Variants in ATXN1 observed in about 807,000 individuals in gnomAD.
The protein encoded by ATXN1 is ataxin 1, also known as ataxin-1.
In ATXN1, 8 loss-of-function variants were observed where a neutral mutation model predicts 56.4. The observed-to-expected ratio is 0.14, with a 90% CI of 0.08 to 0.26. ATXN1 has a LOEUF of 0.26. Ranked by LOEUF, ATXN1 falls within the 10% of genes least tolerant of loss-of-function variation. The pLI is 1.00. For synonymous variants in ATXN1, 514 were observed against 494.6 expected (o/e 1.04, Z -0.52); for missense variants, 987 against 1,106.5 (o/e 0.89, Z 1.53).
At chr6:16,490,761 A>T (rs945118297) in intron 5 of ATXN1, among the ~76,000 whole-genome samples, 1 of 152,186 alleles carries the variant, frequency 6.6e-6, no homozygotes. Context: ...GGCCTGGAAG[A>T]TGGACATATG....
At chr6:16,731,570 G>A (rs1759986636) in intron 2 of ATXN1, among the ~76,000 whole-genome samples, 1 of 147,100 alleles carries the variant, frequency 6.8e-6, no homozygotes, top group African/African-American at 2.5e-5. Flanking sequence ...TGACCTTCTG[G>A]TGAAGACAGC....
intron 4 of ATXN1, among the ~76,000 whole-genome samples, chr6:16,557,632 TA>T (rs1233374208): frequency 6.6e-6 from 1 of 151,962 alleles, no homozygotes; most frequent in Admixed American, 6.5e-5. Context: ...CCTTAGAAAG[TA>T]AAACAGTGTG....
chr6:16,658,840 T>C (rs921325934), intron 2 of ATXN1, among the ~76,000 whole-genome samples: 1 of 152,216 alleles, frequency 6.6e-6, no homozygotes, highest in African/African-American at 2.4e-5. Flanking sequence ...TCCCTGAGTA[T>C]GGTGGCCACA....
chr6:16,694,033 A>C (rs571525981), intron 2 of ATXN1, among the ~76,000 whole-genome samples: 1 of 152,340 alleles, frequency 6.6e-6, no homozygotes, highest in East Asian at 1.9e-4. Context: ...ACAATGAAAA[A>C]TTTAATCTAC....
intron 3 of ATXN1, among the ~76,000 whole-genome samples, chr6:16,609,833 A>G (rs1281862705): frequency 2.0e-5 from 3 of 152,220 alleles, no homozygotes; most frequent in African/African-American, 4.8e-5. Context: ...ACAAGATGTG[A>G]TTTGCACCTT....
chr6:16,418,078 T>C (rs1454821681), intron 6 of ATXN1, among the ~76,000 whole-genome samples: 1 of 152,202 alleles, frequency 6.6e-6, no homozygotes, highest in Non-Finnish European at 1.5e-5. Flanking sequence ...CCCAACGCTC[T>C]GGTGTAGCAA....
In ATXN1 at chr6:16,328,280, A is replaced by G. The variant is rs753921403; in HGVS notation, c.31T>C (p.Cys11Arg). The G allele has an allele frequency of 6.6e-7, 1 of 1,520,400 alleles. No individual in the cohort carries two copies. The highest frequency in any genetic ancestry group is 8.8e-7 in the Non-Finnish European group (1 of 1,138,530). The allele number at this position is 1,520,400 out of a possible 1,614,324, so 94.2% of individuals were successfully genotyped here. The change falls in exon 7 of 8, where the codon TGC becomes CGC. Residue 11 changes from cysteine (C) to arginine (R), a missense_variant. By Grantham distance (180) the Cys-to-Arg change is radical (BLOSUM62 -3). This residue lies in a region of ATXN1 where 723 missense variants were observed against 791.7 expected (regional missense o/e 0.91). Transcript: ENST00000436367. The surrounding 1 kb of genome is among the most constrained non-coding windows in gnomAD (Gnocchi z 6.2). ...ATCTCGCGCTTCTTGGGAGGCAGGC[A>G]TTCGTTGCTCCGCTCTTGGTTGGAT... MKSNQERSNE[C>R]LPPKKREIPA...
chr6:16,300,502 T>G lies in ATXN1; in HGVS notation c.*5827A>C, dbSNP rs1760058474. On this transcript the variant is annotated 3_prime_UTR_variant, in exon 8 of 8. Coordinates refer to ENST00000436367, the MANE Select transcript of ATXN1 (RefSeq NM_001128164.2). ...GCTGTCCAGTTTCCACTGTCCGGCT[T>G]GATTTTTGGACAGGAATACTATTCT... 6.6e-6 allele frequency: 1 copy of G among 152,352 alleles called. No homozygotes were observed. The highest frequency in any genetic ancestry group is 2.1e-4 in the South Asian group (1 of 4,822). The allele number at this position is 152,352 out of a possible 1,614,324, so 9.4% of individuals were successfully genotyped here. A position where few individuals can be genotyped will look rare whatever the true frequency, so the allele number is the denominator to read the frequency against.
At chr6:16,604,590 T>TC (rs1463877327) in intron 3 of ATXN1, among the ~76,000 whole-genome samples, 3 of 144,084 alleles carry the variant, frequency 2.1e-5, no homozygotes, top group East Asian at 2.0e-4. Context: ...TTTCTCTTCT[T>TC]TTTTTTTTTT....
intron 6 of ATXN1, among the ~76,000 whole-genome samples, chr6:16,417,121 T>C (rs986854242): frequency 5.9e-5 from 9 of 152,240 alleles, no homozygotes; most frequent in African/African-American, 2.2e-4. Context: ...AGCCTTGAAC[T>C]GCTGGGCTCA....
intron 6 of ATXN1, among the ~76,000 whole-genome samples, chr6:16,434,513 C>T (rs1189006829): frequency 1.3e-5 from 2 of 152,188 alleles, no homozygotes; most frequent in African/African-American, 4.8e-5. Context: ...TTATGTACCT[C>T]CCTTTTAAAA....
intron 4 of ATXN1, among the ~76,000 whole-genome samples, chr6:16,533,130 G>A (rs1761536450): frequency 6.6e-6 from 1 of 152,206 alleles, no homozygotes; most frequent in Non-Finnish European, 1.5e-5. Context: ...AAGATGGATC[G>A]TGGTGATGAC....
At chr6:16,417,215 T>A (rs1032027890) in intron 6 of ATXN1, among the ~76,000 whole-genome samples, 5 of 152,162 alleles carry the variant, frequency 3.3e-5, no homozygotes, top group African/African-American at 1.2e-4. Context: ...AAAAATTTTC[T>A]TTTGAGACAG....
intron 2 of ATXN1, among the ~76,000 whole-genome samples, chr6:16,747,396 G>C (rs1356790317): frequency 1.3e-5 from 2 of 152,106 alleles, no homozygotes; most frequent in Admixed American, 1.3e-4. Flanking sequence ...TAACTCATCA[G>C]AAAATAAAGA....
chr6:16,694,376 C>T (rs1359485868), intron 2 of ATXN1, among the ~76,000 whole-genome samples: 2 of 151,738 alleles, frequency 1.3e-5, no homozygotes, highest in Non-Finnish European at 2.9e-5. Context: ...GCCTCAGCCT[C>T]CCAAGTAGCT....
chr6:16,417,441 A>ATTTTTTTTTTTTTTTT (rs1188606545), intron 6 of ATXN1, among the ~76,000 whole-genome samples: 9 of 136,506 alleles, frequency 6.6e-5, no homozygotes, highest in African/African-American at 1.6e-4. Flanking sequence ...CAAGTTTCTT[A>ATTTTTTTTTTTTTTTT]TTTTTTTTTT....
intron 3 of ATXN1, among the ~76,000 whole-genome samples, chr6:16,628,639 C>T (rs1233491167): frequency 1.3e-5 from 2 of 152,136 alleles, no homozygotes; most frequent in Non-Finnish European, 2.9e-5. Context: ...CAAGTAGGAC[C>T]CAGTGTCTGC....
intron 3 of ATXN1, among the ~76,000 whole-genome samples, chr6:16,610,841 C>T (rs1763092171): frequency 6.9e-6 from 1 of 144,212 alleles, no homozygotes; most frequent in Admixed American, 7.1e-5. Context: ...CGGGACAACA[C>T]ATCGAGACGT....
chr6:16,334,104 A>G (rs1210329297), intron 6 of ATXN1, among the ~76,000 whole-genome samples: 3 of 152,180 alleles, frequency 2.0e-5, no homozygotes, highest in African/African-American at 7.2e-5. Context: ...CTCTATTTTT[A>G]GTTCTGTTCT....
Sources: gnomAD v4.1 joint callset for allele counts (sites outside exome capture counted in the v4.1 genomes callset) on GRCh38, gnomAD v4.1.1 for gene constraint, gnomAD v4.1.1 regional missense constraint, Gnocchi (gnomAD v3.1) non-coding constraint, MANE v1.5 for transcripts, NCBI Gene and HGNC (gene_info 2026-07-23, HGNC 2026-07-21) for gene names.